NLGN1: variants seen among roughly 807,000 people sequenced by gnomAD.
NLGN1 encodes the protein neuroligin 1.
In NLGN1, 12 loss-of-function variants were observed where a neutral mutation model predicts 65.5. The observed-to-expected ratio is 0.18, with a 90% CI of 0.12 to 0.30. The LOEUF is 0.30. Ranked by LOEUF, NLGN1 falls within the 10% of genes least tolerant of loss-of-function variation. The probability of loss-of-function intolerance (pLI) is 1.00; values close to 1 mark genes in which losing one functional copy is unlikely to be tolerated. For synonymous variants in NLGN1, 350 were observed against 359.5 expected, an observed-to-expected ratio of 0.97 and a Z score of 0.30; for missense variants, 750 against 1,007.1, an observed-to-expected ratio of 0.74 and a Z score of 3.46.
At chr3:174,235,574 C>A (rs908327378) in intron 4 of NLGN1, among the ~76,000 whole-genome samples, 1 of 152,050 alleles carries the variant, frequency 6.6e-6, no homozygotes, top group African/African-American at 2.4e-5. Context: ...ATTCCTAAGA[C>A]ATAGAAAAAG....
At position 173,801,774 on chromosome 3, in the gene NLGN1, G is replaced by A. The variant is rs570356738; in HGVS notation, c.494-5906G>A. On this transcript the variant is annotated intron_variant, in intron 3 of 6. Transcript: ENST00000457714. ...TTAATATTTGAAACAAATCATTATC[G>A]CTGTCCAAGAGTTATTCTGAATGTT... is the stretch of plus-strand genomic sequence containing the variant. Among the ~76,000 whole-genome samples, 19 of 152,042 alleles carry A rather than the reference G, an allele frequency of 1.2e-4. No homozygotes were observed. In the East Asian group the frequency reaches 3.1e-3, roughly 25 times the overall value.
rs9852747 is a variant in NLGN1 at position 173,500,649 on chromosome 3, G to C, written c.-321+65571G>C. Among the ~76,000 whole-genome samples the C allele has an allele frequency of 9.0e-3, 1,370 of 152,214 alleles. 23 individuals carry two copies. Among genetic ancestry groups the C allele is most frequent in the African/African-American group, 0.032 (1,318 of 41,542 alleles). On this transcript the variant is annotated intron_variant, in intron 2 of 6. Transcript: ENST00000457714. ...ATGGTACCAGCTCCTCTTTGTACCT[G>C]TGGTAGAATTTGGCTGTGAATTCAT...
intron 1 of NLGN1, among the ~76,000 whole-genome samples, chr3:173,410,709 A>G (rs1049972427): frequency 1.3e-5 from 2 of 152,212 alleles, no homozygotes; most frequent in Non-Finnish European, 2.9e-5. Flanking sequence ...AGGCTGTATC[A>G]TTTTCTATAC....
intron 4 of NLGN1, among the ~76,000 whole-genome samples, chr3:174,054,223 C>T (rs1735536761): frequency 6.6e-6 from 1 of 151,986 alleles, no homozygotes; most frequent in Admixed American, 6.6e-5. Flanking sequence ...TAGCTTGGAG[C>T]TCTGAGTAAC....
chr3:173,873,404 T>G (rs1731543768), intron 4 of NLGN1, among the ~76,000 whole-genome samples: 1 of 152,090 alleles, frequency 6.6e-6, no homozygotes, highest in Non-Finnish European at 1.5e-5. Context: ...AATTTTTAAA[T>G]ATTGTATTTT....
intron 4 of NLGN1, among the ~76,000 whole-genome samples, chr3:174,098,433 G>A (rs1456398024): frequency 6.6e-6 from 1 of 152,120 alleles, no homozygotes; most frequent in African/African-American, 2.4e-5. Flanking sequence ...CTAGCAAATT[G>A]GTGAGGGTAA....
intron 4 of NLGN1, among the ~76,000 whole-genome samples, chr3:173,942,299 A>G (rs1274800404): frequency 6.6e-6 from 1 of 152,174 alleles, no homozygotes; most frequent in African/African-American, 2.4e-5. Flanking sequence ...GGTCAGGTAT[A>G]GGTCACATCT....
intron 1 of NLGN1, among the ~76,000 whole-genome samples, chr3:173,405,834 C>T (rs913715693): frequency 6.6e-6 from 1 of 151,900 alleles, no homozygotes; most frequent in Non-Finnish European, 1.5e-5. Context: ...CTTTGGTTTT[C>T]GTTTTTCAAA....
chr3:173,669,928 T>C (rs1300349653), intron 3 of NLGN1, among the ~76,000 whole-genome samples: 1 of 152,122 alleles, frequency 6.6e-6, no homozygotes, highest in African/African-American at 2.4e-5. Context: ...TGATGTAAGG[T>C]TTTAAAAAAT....
intron 3 of NLGN1, among the ~76,000 whole-genome samples, chr3:173,712,381 G>A (rs971844137): frequency 2.0e-5 from 3 of 152,178 alleles, no homozygotes; most frequent in Non-Finnish European, 4.4e-5. Context: ...GCCAGTCTTT[G>A]TTAGCTATGG....
chr3:173,553,894 C>A (rs9290474), intron 2 of NLGN1, among the ~76,000 whole-genome samples: 85,329 of 151,866 alleles, frequency 0.56, 23,872 homozygotes, highest in East Asian at 0.8. Context: ...ATTTTTGGAT[C>A]GGAAAGGAGA....
chr3:173,894,217 A>G, intron 4 of NLGN1, among the ~76,000 whole-genome samples: 1 of 152,300 alleles, frequency 6.6e-6, no homozygotes, highest in Non-Finnish European at 1.5e-5. Flanking sequence ...CATCAACATC[A>G]TATAGTTAGT....
At chr3:173,437,461 G>C (rs1718345471) in intron 2 of NLGN1, among the ~76,000 whole-genome samples, 1 of 152,118 alleles carries the variant, frequency 6.6e-6, no homozygotes, top group African/African-American at 2.4e-5. Flanking sequence ...ACATGCATTG[G>C]AATTTATTCA....
intron 4 of NLGN1, among the ~76,000 whole-genome samples, chr3:174,130,304 G>A (rs1719892700): frequency 6.6e-6 from 1 of 152,236 alleles, no homozygotes; most frequent in Admixed American, 6.5e-5. Flanking sequence ...AACCTGGGAG[G>A]CAGAGGTTGC....
chr3:174,193,575 G>A (rs1732790730), intron 4 of NLGN1, among the ~76,000 whole-genome samples: 1 of 152,140 alleles, frequency 6.6e-6, no homozygotes, highest in Non-Finnish European at 1.5e-5. Flanking sequence ...TCTTCGTCCT[G>A]TGCCTCTTGA....
the NLGN1 span, among the ~76,000 whole-genome samples, chr3:174,291,933 A>G: frequency 6.6e-6 from 1 of 151,308 alleles, no homozygotes; most frequent in Non-Finnish European, 1.5e-5. Flanking sequence ...TAGAAAAATC[A>G]TAGGTAAAAA....
chr3:174,186,196 G>C (rs985777960), intron 4 of NLGN1, among the ~76,000 whole-genome samples: 4 of 152,056 alleles, frequency 2.6e-5, no homozygotes, highest in African/African-American at 7.2e-5. Flanking sequence ...CCTTGTGTTT[G>C]AGAAACCTGT....
intron 3 of NLGN1, among the ~76,000 whole-genome samples, chr3:173,661,189 C>T (rs892864808): frequency 2.6e-5 from 4 of 151,800 alleles, no homozygotes; most frequent in African/African-American, 4.8e-5. Context: ...GAGTAGTGAG[C>T]GAGCTGAAAA....
chr3:174,063,248 C>T (rs1465560868), intron 4 of NLGN1, among the ~76,000 whole-genome samples: 1 of 151,980 alleles, frequency 6.6e-6, no homozygotes, highest in East Asian at 1.9e-4. Flanking sequence ...AATTTTATTT[C>T]CAAGGAAAAT....
Sources: allele counts gnomAD v4.1 joint callset (sites outside exome capture counted in the v4.1 genomes callset), GRCh38; gene constraint gnomAD v4.1.1; transcripts MANE v1.5; gene names NCBI Gene and HGNC (gene_info 2026-07-23, HGNC 2026-07-21).